BTLA: variants seen among roughly 807,000 people sequenced by gnomAD.
BTLA encodes B and T lymphocyte associated.
In BTLA, 11 loss-of-function variants were observed where a neutral mutation model predicts 25.0. The observed-to-expected ratio is 0.44, with a 90% CI of 0.28 to 0.73. BTLA has a LOEUF of 0.73. Ranked by LOEUF, BTLA falls within the 30% of genes least tolerant of loss-of-function variation. The pLI, the probability that BTLA is intolerant of heterozygous loss-of-function variation, is 0.15. For synonymous variants in BTLA, 104 were observed against 119.8 expected, an observed-to-expected ratio of 0.87 and a Z score of 0.86; for missense variants, 282 against 332.8, an observed-to-expected ratio of 0.85 and a Z score of 1.19.
chr3:112,483,399 C>T (rs559767622), intron 1 of BTLA, among the ~76,000 whole-genome samples: 3 of 151,890 alleles, frequency 2.0e-5, no homozygotes, highest in South Asian at 4.2e-4. Context: ...CAGCTCATCT[C>T]GGCCTCCCAA....
At chr3:112,475,221 G>A (rs76205701) in intron 2 of BTLA, among the ~76,000 whole-genome samples, 1,550 of 152,252 alleles carry the variant, frequency 0.01, 52 homozygotes, top group East Asian at 0.072. Context: ...AGGATCAAGA[G>A]CATTAATTAA....
intron 1 of BTLA, among the ~76,000 whole-genome samples, chr3:112,489,075 A>T (rs906168039): frequency 6.6e-6 from 1 of 152,224 alleles, no homozygotes; most frequent in Non-Finnish European, 1.5e-5. Flanking sequence ...GGTGAAGAAC[A>T]TATGCAGCTC....
At chr3:112,471,701 T>C (rs2082263026) in intron 2 of BTLA, among the ~76,000 whole-genome samples, 1 of 152,232 alleles carries the variant, frequency 6.6e-6, no homozygotes, top group Non-Finnish European at 1.5e-5. Context: ...GGAAAACCAT[T>C]GTCTTTATTT....
chr3:112,494,821 C>G (rs528715238), intron 1 of BTLA, among the ~76,000 whole-genome samples: 1 of 152,094 alleles, frequency 6.6e-6, no homozygotes, highest in African/African-American at 2.4e-5. Flanking sequence ...TCATGGCACA[C>G]GTATACCTAT....
intron 1 of BTLA, among the ~76,000 whole-genome samples, chr3:112,481,980 C>G (rs1559827119): frequency 6.6e-6 from 1 of 152,324 alleles, no homozygotes; most frequent in East Asian, 1.9e-4. Flanking sequence ...GACATAGATA[C>G]ATTTCCACCA....
At chr3:112,492,830 T>C (rs2082387292) in intron 1 of BTLA, among the ~76,000 whole-genome samples, 1 of 152,192 alleles carries the variant, frequency 6.6e-6, no homozygotes, top group African/African-American at 2.4e-5. Context: ...AGGCCATTTG[T>C]GATGTGTGTG....
chr3:112,472,642 C>T (rs2082269038), intron 2 of BTLA, among the ~76,000 whole-genome samples: 1 of 151,886 alleles, frequency 6.6e-6, no homozygotes, highest in Admixed American at 6.6e-5. Context: ...TTCGGTGAAC[C>T]GAGATGGTAC....
intron 1 of BTLA, 43 bp downstream of exon 1, chr3:112,499,228 C>G (rs773382743): frequency 2.9e-6 from 4 of 1,387,866 alleles, no homozygotes; most frequent in Non-Finnish European, 4.1e-6. Flanking sequence ...CTCCAAGACC[C>G]CCTGAGAAAT....
At chr3:112,489,298 G>A (rs935207796) in intron 1 of BTLA, among the ~76,000 whole-genome samples, 1 of 152,102 alleles carries the variant, frequency 6.6e-6, no homozygotes, top group African/African-American at 2.4e-5. Context: ...TCCCAGCTGA[G>A]CAAGTGTAGT....
intron 1 of BTLA, among the ~76,000 whole-genome samples, chr3:112,488,949 G>A (rs539374782): frequency 2.0e-5 from 3 of 152,146 alleles, no homozygotes; most frequent in East Asian, 3.9e-4. Flanking sequence ...ATGTGTTCAT[G>A]TTTCTGTCTT....
At chr3:112,486,957 G>A (rs190187862) in intron 1 of BTLA, among the ~76,000 whole-genome samples, 1 of 152,316 alleles carries the variant, frequency 6.6e-6, no homozygotes, top group African/African-American at 2.4e-5. Flanking sequence ...AAAGGCTGGA[G>A]TATGTAGTAC....
intron 1 of BTLA, among the ~76,000 whole-genome samples, chr3:112,483,890 C>T (rs899980150): frequency 8.6e-5 from 13 of 151,984 alleles, no homozygotes; most frequent in African/African-American, 2.7e-4. Context: ...ATTGCTTGAA[C>T]CCAGGAACTG....
At position 112,469,739 on chromosome 3, in the gene BTLA, A is replaced by G; in HGVS notation, c.594+19T>C. ...TATAACACAAATTGCATTTGTTTCA[A>G]CAGCTACATCAAGCTTACCAGGTTA... is the stretch of plus-strand genomic sequence containing the variant. On this transcript the variant is annotated intron_variant, in intron 4 of 4. Transcript: ENST00000334529. 3.1e-6 allele frequency: 5 copies of G among 1,605,424 alleles called. No homozygotes were observed. The highest frequency in any genetic ancestry group is 4.3e-6 in the Non-Finnish European group (5 of 1,174,704).
rs866373013 is a variant in BTLA at position 112,464,343 on chromosome 3, G to A, written c.*1765C>T. The A allele has an allele frequency of 3.4e-5, 13 of 387,634 alleles. No homozygotes were observed. Among genetic ancestry groups the A allele is most frequent in the Middle Eastern group, 6.5e-4 (1 of 1,534 alleles). The allele number at this position is 387,634 out of a possible 1,614,324, so 24.0% of individuals were successfully genotyped here. The stretch of plus-strand genomic sequence containing the variant: ...AATCATGAAGGAACTGTTCAATTTC[G>A]TGTGTTCATCTGATAAGAGGACAGC... On this transcript the variant is annotated 3_prime_UTR_variant, in exon 5 of 5. Coordinates refer to ENST00000334529, the MANE Select transcript of BTLA (RefSeq NM_181780.4).
intron 4 of BTLA, among the ~76,000 whole-genome samples, chr3:112,468,377 C>G (rs1004289693): frequency 6.6e-6 from 1 of 152,116 alleles, no homozygotes; most frequent in Non-Finnish European, 1.5e-5. Context: ...CTCCACAGTT[C>G]CCAAACTAGT....
chr3:112,494,689 G>C (rs982013335), intron 1 of BTLA, among the ~76,000 whole-genome samples: 4 of 152,156 alleles, frequency 2.6e-5, no homozygotes, highest in Non-Finnish European at 4.4e-5. Flanking sequence ...TCACTCATAA[G>C]TGGAAGTTGA....
chr3:112,497,752 A>T (rs1309203326), intron 1 of BTLA, among the ~76,000 whole-genome samples: 1 of 152,136 alleles, frequency 6.6e-6, no homozygotes. Context: ...CATCATAGAG[A>T]CATATTCCAA....
At chr3:112,486,711 T>TA (rs1051360685) in intron 1 of BTLA, among the ~76,000 whole-genome samples, 1 of 152,180 alleles carries the variant, frequency 6.6e-6, no homozygotes, top group Non-Finnish European at 1.5e-5. Context: ...AAAACAACAT[T>TA]AAAAAAATTT....
At chr3:112,495,947 T>C (rs187481353) in intron 1 of BTLA, among the ~76,000 whole-genome samples, 108 of 152,332 alleles carry the variant, frequency 7.1e-4, no homozygotes, top group African/African-American at 2.5e-3. Flanking sequence ...CTAACCACTG[T>C]ATTCTCAAAA....
Sources: allele counts gnomAD v4.1 joint callset (sites outside exome capture counted in the v4.1 genomes callset), GRCh38; gene constraint gnomAD v4.1.1; transcripts MANE v1.5; gene names NCBI Gene and HGNC (gene_info 2026-07-23, HGNC 2026-07-21).